PALLD: variants seen among roughly 807,000 people sequenced by gnomAD.
PALLD encodes palladin, cytoskeletal associated protein.
Under a neutral mutation model 123.5 loss-of-function variants are expected in PALLD, and 61 were observed. That is an observed-to-expected ratio of 0.49 (90% CI 0.40 to 0.61). The LOEUF (loss-of-function observed/expected upper bound fraction) is 0.61. PALLD is among the 20% of genes least tolerant of loss of function. The pLI, the probability that PALLD is intolerant of heterozygous loss-of-function variation, is 0.00. For missense variants in PALLD, 1,273 were observed against 1,377.0 expected (o/e 0.92, Z 1.20); for synonymous variants, 465 against 496.4 (o/e 0.94, Z 0.84).
chr4:168,900,294 T>G (rs1049830388), intron 14 of PALLD, among the ~76,000 whole-genome samples: 4 of 152,078 alleles, frequency 2.6e-5, no homozygotes, highest in African/African-American at 9.7e-5. Flanking sequence ...CAAACCATAT[T>G]AAGAGTCATA....
At chr4:168,610,983 T>C (rs1175080199) in intron 2 of PALLD, among the ~76,000 whole-genome samples, 1 of 152,168 alleles carries the variant, frequency 6.6e-6, no homozygotes, top group Non-Finnish European at 1.5e-5. Context: ...CAAATCTGTC[T>C]CCCACCTACT....
At chr4:168,689,165 A>G (rs1382889191) in intron 6 of PALLD, among the ~76,000 whole-genome samples, 1 of 152,108 alleles carries the variant, frequency 6.6e-6, no homozygotes, top group Non-Finnish European at 1.5e-5. Context: ...TTCACATTAG[A>G]CTTTTATAGT....
At chr4:168,697,974 C>T (rs1783303065) in intron 8 of PALLD, among the ~76,000 whole-genome samples, 1 of 152,144 alleles carries the variant, frequency 6.6e-6, no homozygotes, top group Admixed American at 6.5e-5. Flanking sequence ...ACCTAAGTAT[C>T]CATCAACAGA....
intron 10 of PALLD, among the ~76,000 whole-genome samples, chr4:168,781,311 T>C (rs903687724): frequency 1.3e-4 from 20 of 152,330 alleles, no homozygotes; most frequent in African/African-American, 4.6e-4. Context: ...GGTATCTTCC[T>C]TCCCTGCATT....
In PALLD at chr4:168,638,529, C is replaced by T. The variant is rs182015472; in HGVS notation, c.909-29661C>T. ...TAATCCATAGTTTAGTCCATTCTGG[C>T]GGCTATAACGAAGTACCATAAACTG... On this transcript the variant is annotated intron_variant, in intron 2 of 21. Transcript: ENST00000505667. Among the ~76,000 whole-genome samples the T allele has an allele frequency of 3.3e-4, 51 of 152,256 alleles. No homozygotes were observed. In the East Asian group the frequency reaches 6.2e-3, roughly 18 times the overall value.
At chr4:168,729,616 A>G (rs1296230523) in intron 10 of PALLD, among the ~76,000 whole-genome samples, 7 of 152,132 alleles carry the variant, frequency 4.6e-5, no homozygotes, top group Admixed American at 3.9e-4. Context: ...TTGTTCTCCT[A>G]GGACTTCCCT....
chr4:168,687,292 AC>A (rs1381026367), intron 6 of PALLD, among the ~76,000 whole-genome samples: 1 of 152,158 alleles, frequency 6.6e-6, no homozygotes, highest in Non-Finnish European at 1.5e-5. Flanking sequence ...CTTGGAAACT[AC>A]CCTCCTAGCT....
At chr4:168,682,766 GTCTATAAGGTACAT>G (rs1181784350) in intron 4 of PALLD, among the ~76,000 whole-genome samples, 8 of 152,088 alleles carry the variant, frequency 5.3e-5, no homozygotes, top group African/African-American at 1.9e-4. Flanking sequence ...TTTGCTTAAT[GTCTATAAGGTACAT>G]TCTATAAGGT....
At chr4:168,533,061 C>A (rs1019803417) in intron 2 of PALLD, among the ~76,000 whole-genome samples, 1 of 152,110 alleles carries the variant, frequency 6.6e-6, no homozygotes, top group East Asian at 1.9e-4. Flanking sequence ...CTAAAACCCT[C>A]GAGGACAATA....
At chr4:168,646,343 C>T (rs536444274) in intron 2 of PALLD, among the ~76,000 whole-genome samples, 5 of 152,300 alleles carry the variant, frequency 3.3e-5, no homozygotes, top group South Asian at 2.1e-4. Flanking sequence ...CAGATGACTT[C>T]GGGGCCACCA....
chr4:168,907,658 C>G (rs191963891), intron 15 of PALLD, among the ~76,000 whole-genome samples: 1 of 152,196 alleles, frequency 6.6e-6, no homozygotes, highest in African/African-American at 2.4e-5. Flanking sequence ...CCCCAGAATT[C>G]TCTGCTTTGC....
chr4:168,585,586 G>C (rs957342426), intron 2 of PALLD, among the ~76,000 whole-genome samples: 5 of 65,304 alleles, frequency 7.7e-5, no homozygotes, highest in African/African-American at 3.2e-4. Flanking sequence ...GAAAACAGAG[G>C]GGGGCCTGGG....
At chr4:168,835,759 C>T (rs1745089700) in intron 10 of PALLD, among the ~76,000 whole-genome samples, 1 of 152,020 alleles carries the variant, frequency 6.6e-6, no homozygotes, top group South Asian at 2.1e-4. Flanking sequence ...AGTGCAGTGG[C>T]ATGATCTGGG....
At chr4:168,774,871 T>C (rs1734965447) in intron 10 of PALLD, among the ~76,000 whole-genome samples, 1 of 152,192 alleles carries the variant, frequency 6.6e-6, no homozygotes, top group African/African-American at 2.4e-5. Context: ...TTGTCTTCAT[T>C]TTCTAAGGTT....
At chr4:168,592,818 A>G (rs1434901786) in intron 2 of PALLD, among the ~76,000 whole-genome samples, 1 of 152,134 alleles carries the variant, frequency 6.6e-6, no homozygotes, top group African/African-American at 2.4e-5. Context: ...TAGAAAGACT[A>G]CTGCTATTAT....
In PALLD at chr4:168,913,965, T is replaced by G; in HGVS notation, c.2661T>G (p.Ala887=). 6.2e-7 allele frequency: 1 copy of G among 1,613,516 alleles called. No individual in the cohort carries two copies. The highest frequency in any genetic ancestry group is 1.7e-5 in the Admixed American group (1 of 60,028). Residue 887 remains alanine, a synonymous_variant, in exon 16 of 22, where the codon GCT becomes GCG. Coordinates refer to ENST00000505667, the MANE Select transcript of PALLD (RefSeq NM_001166108.2). ...ISCTGRLMVQ[A]VNQRGRSPRS... ...GTACTGGACGGCTAATGGTACAGGCTGTCAACCAAAGAGGTCGAAGTCCCC... is the reference window on the plus strand; with the variant it reads ...GTACTGGACGGCTAATGGTACAGGCGGTCAACCAAAGAGGTCGAAGTCCCC...
chr4:168,924,468 G>C (rs372758349), intron 19 of PALLD, 48 bp downstream of exon 19: 14 of 1,504,464 alleles, frequency 9.3e-6, no homozygotes, highest in Non-Finnish European at 1.3e-5. Flanking sequence ...CAGTCCTAAT[G>C]ATGTATCAAA....
intron 2 of PALLD, among the ~76,000 whole-genome samples, chr4:168,556,593 G>T (rs1051024388): frequency 6.6e-6 from 1 of 152,130 alleles, no homozygotes; most frequent in Non-Finnish European, 1.5e-5. Context: ...CCTTTTAAAA[G>T]CTCAAACTAT....
intron 8 of PALLD, among the ~76,000 whole-genome samples, chr4:168,692,116 G>C (rs1003543903): frequency 1.3e-5 from 2 of 152,118 alleles, no homozygotes; most frequent in Admixed American, 1.3e-4. Context: ...TCAGTGTCAA[G>C]CAGATCTTGC....
Sources: allele counts gnomAD v4.1 joint callset (sites outside exome capture counted in the v4.1 genomes callset), GRCh38; gene constraint gnomAD v4.1.1; transcripts MANE v1.5; gene names NCBI Gene and HGNC (gene_info 2026-07-23, HGNC 2026-07-21).